The following KCNMA1 variants were observed in gnomAD, a reference collection of about 807,000 sequenced individuals.
KCNMA1 encodes potassium calcium-activated channel subfamily M alpha 1.
In KCNMA1, 29 loss-of-function variants were observed where a neutral mutation model predicts 140.0. The ratio of observed to expected loss-of-function variants is 0.21; its 90% CI spans 0.15 to 0.28. KCNMA1 has a LOEUF of 0.28. KCNMA1 is among the 10% of genes least tolerant of loss of function. The pLI, the probability that KCNMA1 is intolerant of heterozygous loss-of-function variation, is 1.00. For synonymous variants in KCNMA1, 612 were observed against 611.9 expected (o/e 1.00, Z 0.00); for missense variants, 880 against 1,602.2 (o/e 0.55, Z 7.70).
chr10:77,309,484 G>A (rs986430714), intron 2 of KCNMA1: 1 of 152,248 alleles, frequency 6.6e-6, no homozygotes, highest in African/African-American at 2.4e-5. Flanking sequence ...ACTCACCTAG[G>A]TGGGTCAGAA....
At chr10:77,171,286 C>T (rs1475330721) in intron 5 of KCNMA1, among the ~76,000 whole-genome samples, 1 of 152,110 alleles carries the variant, frequency 6.6e-6, no homozygotes, top group East Asian at 1.9e-4. Context: ...AGTTTGAGAA[C>T]CACTGGTCTA....
intron 3 of KCNMA1, among the ~76,000 whole-genome samples, chr10:77,187,884 A>G (rs769600522): frequency 6.6e-6 from 1 of 152,188 alleles, no homozygotes; most frequent in Non-Finnish European, 1.5e-5. Flanking sequence ...GAGACCACAG[A>G]GTGGAGCTTC....
chr10:77,106,178 C>T (rs768564014), intron 9 of KCNMA1, among the ~76,000 whole-genome samples: 44 of 151,992 alleles, frequency 2.9e-4, no homozygotes, highest in East Asian at 3.9e-4. Flanking sequence ...GATGACAGGA[C>T]GGACTCTGTG....
At chr10:77,481,192 A>G (rs1815283799) in intron 1 of KCNMA1, among the ~76,000 whole-genome samples, 1 of 152,012 alleles carries the variant, frequency 6.6e-6, no homozygotes, top group South Asian at 2.1e-4. Context: ...CAGCGTGTAC[A>G]TGTTATTTCT....
chr10:77,352,295 T>C (rs528813051), intron 2 of KCNMA1, among the ~76,000 whole-genome samples: 2 of 152,370 alleles, frequency 1.3e-5, no homozygotes, highest in East Asian at 1.9e-4. Flanking sequence ...AGGAAATACA[T>C]GCAGAGAGTT....
At chr10:77,368,996 C>T (rs2094525897) in intron 2 of KCNMA1, among the ~76,000 whole-genome samples, 1 of 152,210 alleles carries the variant, frequency 6.6e-6, no homozygotes, top group Admixed American at 6.5e-5. Flanking sequence ...ATATACACTT[C>T]TTTTTCAAAA....
intron 26 of KCNMA1, among the ~76,000 whole-genome samples, chr10:76,891,013 A>G (rs556596712): frequency 1.3e-5 from 2 of 152,318 alleles, no homozygotes; most frequent in Admixed American, 1.3e-4. Flanking sequence ...ATTCACATAT[A>G]AAAACTAAGA....
At chr10:76,915,731 C>T (rs532627941) in intron 23 of KCNMA1, among the ~76,000 whole-genome samples, 1 of 152,270 alleles carries the variant, frequency 6.6e-6, no homozygotes, top group African/African-American at 2.4e-5. Flanking sequence ...TCAGTTTTCA[C>T]AGAGTTCTGG....
chr10:77,236,410 G>A (rs532419395), intron 3 of KCNMA1, among the ~76,000 whole-genome samples: 28 of 152,310 alleles, frequency 1.8e-4, no homozygotes, highest in Non-Finnish European at 4.0e-4. Context: ...CTTGGGGAAC[G>A]TGCCAAACCT....
Position 77,625,229 on chromosome 10 carries a change from A to C in KCNMA1, c.378+12036T>G, listed in dbSNP as rs541834267. Among the ~76,000 whole-genome samples, 4 of 152,034 alleles carry C rather than the reference A, an allele frequency of 2.6e-5. No individual in the cohort carries two copies. The South Asian group carries it at 8.3e-4, about 32-fold the overall frequency. On this transcript the variant is annotated intron_variant, in intron 1 of 27. Transcript: ENST00000286628. ...ACCCCGTCTCTACTAAAAATACAAA[A>C]AGTTAGCTGGGCGTGGTGGTGGGCG...
At chr10:77,248,664 C>T (rs770707999) in intron 3 of KCNMA1, among the ~76,000 whole-genome samples, 9 of 152,128 alleles carry the variant, frequency 5.9e-5, no homozygotes, top group Non-Finnish European at 1.2e-4. Flanking sequence ...TAAGAATGTA[C>T]ATTCTACTTT....
intron 1 of KCNMA1, among the ~76,000 whole-genome samples, chr10:77,485,419 C>A (rs1262334502): frequency 6.6e-6 from 1 of 152,126 alleles, no homozygotes; most frequent in African/African-American, 2.4e-5. Context: ...TGGCAACCAC[C>A]CCCTGCCCCT....
chr10:77,068,586 C>T (rs976516941), intron 14 of KCNMA1, among the ~76,000 whole-genome samples: 3 of 151,324 alleles, frequency 2.0e-5, no homozygotes, highest in South Asian at 2.1e-4. Flanking sequence ...CCAAATCTTG[C>T]GGCATAGGGA....
intron 19 of KCNMA1, among the ~76,000 whole-genome samples, chr10:76,982,233 G>A (rs1376056162): frequency 1.3e-5 from 2 of 151,664 alleles, no homozygotes; most frequent in Non-Finnish European, 2.9e-5. Flanking sequence ...TTACATAAAT[G>A]CAACAGTACA....
intron 15 of KCNMA1, among the ~76,000 whole-genome samples, chr10:77,029,940 TA>T (rs1782651288): frequency 6.6e-6 from 1 of 152,222 alleles, no homozygotes; most frequent in African/African-American, 2.4e-5. Context: ...CAGCTTATTA[TA>T]AGTGGAATTG....
intron 1 of KCNMA1, among the ~76,000 whole-genome samples, chr10:77,551,078 C>T (rs545247402): frequency 6.6e-6 from 1 of 152,292 alleles, no homozygotes; most frequent in African/African-American, 2.4e-5. Context: ...GTGATCCTCC[C>T]ACCTCATCCT....
intron 1 of KCNMA1, among the ~76,000 whole-genome samples, chr10:77,469,265 C>A (rs1567011730): frequency 6.6e-6 from 1 of 152,092 alleles, no homozygotes; most frequent in Non-Finnish European, 1.5e-5. Context: ...TCCAAGTCCC[C>A]ACATTACAGA....
intron 1 of KCNMA1, among the ~76,000 whole-genome samples, chr10:77,484,508 C>T (rs1247528641): frequency 2.0e-5 from 3 of 152,238 alleles, no homozygotes; most frequent in African/African-American, 4.8e-5. Flanking sequence ...AATCCTCATA[C>T]TAATGCCAGG....
At chr10:77,110,487 G>T in intron 7 of KCNMA1, 144 bp from the exon 8 acceptor site, 1 of 764,480 alleles carries the variant, frequency 1.3e-6, no homozygotes, top group Non-Finnish European at 2.3e-6. Context: ...CCCGGGCTGA[G>T]TTCTGTGAGT....
Sources: gnomAD v4.1 joint callset for allele counts (sites outside exome capture counted in the v4.1 genomes callset) on GRCh38, gnomAD v4.1.1 for gene constraint, MANE v1.5 for transcripts, NCBI Gene and HGNC (gene_info 2026-07-23, HGNC 2026-07-21) for gene names.